Variants in PTK2 observed in about 807,000 individuals in gnomAD.
PTK2 encodes the protein focal adhesion kinase 1.
A neutral mutation model predicts 150.1 loss-of-function variants in PTK2; 45 were observed. That is an observed-to-expected ratio of 0.30 (90% CI 0.24 to 0.38). The LOEUF is 0.38. Among genes scored for constraint, PTK2 ranks in the 10% least tolerant of loss-of-function variants. PTK2 has a pLI of 1.00. For synonymous variants in PTK2, 432 were observed against 449.2 expected (o/e 0.96, Z 0.48); for missense variants, 919 against 1,307.3 (o/e 0.70, Z 4.58).
intron 14 of PTK2, among the ~76,000 whole-genome samples, chr8:140,784,749 T>G (rs915549015): frequency 3.9e-5 from 6 of 152,190 alleles, no homozygotes; most frequent in African/African-American, 1.4e-4. Flanking sequence ...CTTCTACAGG[T>G]TCTCAGAACA....
chr8:140,677,764 T>C (rs970936765), intron 27 of PTK2, among the ~76,000 whole-genome samples: 1 of 152,236 alleles, frequency 6.6e-6, no homozygotes, highest in African/African-American at 2.4e-5. Flanking sequence ...TGATACCATA[T>C]CAACTTATTT....
exon 26 of PTK2, chr8:140,700,936 T>A (rs546619591): frequency 6.2e-7 from 1 of 1,613,990 alleles, no homozygotes. Context: ...CTTCTTCCAT[T>A]TCCTGTTGCT....
At chr8:140,971,129 T>A (rs1381690533) in intron 1 of PTK2, among the ~76,000 whole-genome samples, 1 of 152,176 alleles carries the variant, frequency 6.6e-6, no homozygotes, top group Non-Finnish European at 1.5e-5. Flanking sequence ...GAACTACAAA[T>A]AATATTTTCA....
chr8:140,803,499 T>C lies in PTK2; in HGVS notation c.975+44A>G, dbSNP rs756751193. The C allele has an allele frequency of 1.2e-5, 18 of 1,485,586 alleles. No individual in the cohort carries two copies. In the African/African-American group the frequency reaches 1.9e-4, roughly 16 times the overall value. The allele number at this position is 1,485,586 out of a possible 1,614,324, so 92.0% of individuals were successfully genotyped here. On this transcript the variant is annotated intron_variant, in intron 11 of 31. Transcript: ENST00000522684. ...AAAGTCAACAATTCTAAAACATCCCTATTTAACCATTTTCCCTTAATGATG... is the reference window on the plus strand; with the variant it reads ...AAAGTCAACAATTCTAAAACATCCCCATTTAACCATTTTCCCTTAATGATG...
intron 1 of PTK2, among the ~76,000 whole-genome samples, chr8:140,964,895 C>T (rs150403090): frequency 0.024 from 3,661 of 152,160 alleles, 178 homozygotes; most frequent in Admixed American, 0.12. Context: ...ATATTCTTTG[C>T]TCCCAAGAAA....
At chr8:140,689,003 G>A (rs893803188) in intron 26 of PTK2, among the ~76,000 whole-genome samples, 1 of 152,182 alleles carries the variant, frequency 6.6e-6, no homozygotes, top group African/African-American at 2.4e-5. Flanking sequence ...GGCTGGGTGT[G>A]AAATATAGCT....
At chr8:140,677,349 C>T (rs1201264880) in intron 27 of PTK2, among the ~76,000 whole-genome samples, 1 of 152,168 alleles carries the variant, frequency 6.6e-6, no homozygotes, top group African/African-American at 2.4e-5. Context: ...CTAGGCCAAG[C>T]CAGAGAAGCC....
chr8:140,777,945 T>TAG (rs1248996387), intron 14 of PTK2, among the ~76,000 whole-genome samples: 2 of 152,228 alleles, frequency 1.3e-5, no homozygotes, highest in African/African-American at 4.8e-5. Context: ...ACTGCCCTGC[T>TAG]CCTCTATCCC....
chr8:140,935,141 A>ATT (rs1198184047), intron 1 of PTK2, among the ~76,000 whole-genome samples: 1 of 152,206 alleles, frequency 6.6e-6, no homozygotes, highest in Non-Finnish European at 1.5e-5. Context: ...TTTCAACAAC[A>ATT]TATAAATGTT....
At chr8:140,705,392 G>A (rs1354290204) in intron 24 of PTK2, among the ~76,000 whole-genome samples, 1 of 152,132 alleles carries the variant, frequency 6.6e-6, no homozygotes, top group South Asian at 2.1e-4. Flanking sequence ...CACTCTATAT[G>A]ATCTATTTAT....
chr8:140,789,730 T>C (rs532908171), intron 13 of PTK2, among the ~76,000 whole-genome samples: 70 of 152,320 alleles, frequency 4.6e-4, no homozygotes, highest in African/African-American at 1.6e-3. Flanking sequence ...ACTGAAGGAA[T>C]GTTGAACTGT....
chr8:140,846,931 G>A lies in PTK2; in HGVS notation c.451-253C>T, dbSNP rs572208969. Among the ~76,000 whole-genome samples, 9 of 151,954 alleles carry A rather than the reference G, an allele frequency of 5.9e-5. No homozygotes were observed. In the South Asian group the frequency reaches 6.3e-4, roughly 11 times the overall value. On this transcript the variant is annotated intron_variant, in intron 5 of 31. Transcript: ENST00000522684. ...CCTTTCATATAGTTTACATTGTGTC[G>A]GTAATTATGCCTGATGTTAAAGATA...
intron 2 of PTK2, among the ~76,000 whole-genome samples, chr8:140,899,682 G>A (rs748092025): frequency 3.3e-5 from 5 of 151,938 alleles, no homozygotes; most frequent in Admixed American, 6.6e-5. Flanking sequence ...ACTGAGGAAC[G>A]TAAACACAAA....
intron 10 of PTK2, among the ~76,000 whole-genome samples, chr8:140,810,064 T>C (rs1489880700): frequency 6.6e-6 from 1 of 152,168 alleles, no homozygotes; most frequent in Non-Finnish European, 1.5e-5. Flanking sequence ...CCAAGACTCA[T>C]TCCTGGCCCA....
intron 1 of PTK2, among the ~76,000 whole-genome samples, chr8:140,936,658 G>A (rs1569210319): frequency 6.6e-6 from 1 of 151,852 alleles, no homozygotes; most frequent in Non-Finnish European, 1.5e-5. Flanking sequence ...ACCTCCACCA[G>A]CAAATTAAAG....
At chr8:140,792,072 A>G (rs2100088823) in intron 13 of PTK2, among the ~76,000 whole-genome samples, 1 of 152,214 alleles carries the variant, frequency 6.6e-6, no homozygotes, top group Admixed American at 6.5e-5. Flanking sequence ...GTAGAAGTAC[A>G]CAGAAAAGAG....
chr8:140,925,985 C>A (rs1313021865), intron 1 of PTK2, among the ~76,000 whole-genome samples: 1 of 152,184 alleles, frequency 6.6e-6, no homozygotes, highest in Non-Finnish European at 1.5e-5. Flanking sequence ...GACTCATCTA[C>A]CTATCACAAC....
At chr8:140,776,250 G>A (rs1205385801) in intron 14 of PTK2, among the ~76,000 whole-genome samples, 5 of 152,250 alleles carry the variant, frequency 3.3e-5, no homozygotes, top group East Asian at 3.9e-4. Flanking sequence ...TGATCCGCCC[G>A]CCTCGGCCTC....
chr8:140,739,193 G>C (rs1004535674), intron 20 of PTK2, 86 bp from the exon 24 acceptor site: 1 of 863,358 alleles, frequency 1.2e-6, no homozygotes, highest in African/African-American at 1.7e-5. Flanking sequence ...AGTATCAAAG[G>C]AAAAAGCTTT....
Sources: gnomAD v4.1 joint callset for allele counts (sites outside exome capture counted in the v4.1 genomes callset) on GRCh38, gnomAD v4.1.1 for gene constraint, MANE v1.5 for transcripts, NCBI Gene and HGNC (gene_info 2026-07-23, HGNC 2026-07-21) for gene names.